DDX47: variants seen among roughly 807,000 people sequenced by gnomAD.
The protein encoded by DDX47 is DEAD-box helicase 47, also known as probable ATP-dependent RNA helicase DDX47.
Under a neutral mutation model 58.8 loss-of-function variants are expected in DDX47, and 60 were observed. The observed-to-expected ratio is 1.02, with a 90% confidence interval of 0.83 to 1.26. The LOEUF (loss-of-function observed/expected upper bound fraction) is 1.26. DDX47 is among the 50% of genes most tolerant of loss of function. DDX47 has a pLI of 0.00. For missense variants in DDX47, 530 were observed against 573.2 expected, an observed-to-expected ratio of 0.92 and a Z score of 0.77; for synonymous variants, 197 against 204.6, an observed-to-expected ratio of 0.96 and a Z score of 0.32.
chr12:12,823,952 G>A lies in DDX47; in HGVS notation c.833G>A (p.Arg278Lys). Reference protein sequence around the residue: ...IFCSTCNNTQRTALLLRNLGF... With the variant: ...IFCSTCNNTQKTALLLRNLGF... The stretch of plus-strand genomic sequence containing the variant: ...TGCAGCACCTGTAATAATACCCAGA[G>A]AACAGCTTTGCTACTGCGAAATCTT... Residue 278 changes from arginine (R) to lysine (K), a missense_variant, in exon 8 of 12, where the codon AGA (arginine) becomes AAA (lysine). Physicochemically the swap from Arg to Lys is conservative, Grantham distance 26. Coordinates refer to ENST00000358007, the MANE Select transcript of DDX47 (RefSeq NM_016355.4). 6.2e-7 allele frequency: 1 copy of A among 1,614,110 alleles called. No individual in the cohort carries two copies. The highest frequency in any genetic ancestry group is 8.5e-7 in the Non-Finnish European group (1 of 1,180,010).
chr12:12,822,148 A>C (rs1250834258), intron 5 of DDX47, 65 bp downstream of exon 5: 2 of 1,022,828 alleles, frequency 2.0e-6, no homozygotes, highest in Non-Finnish European at 3.1e-6. Context: ...AATTTGGTTC[A>C]TTGCCCACTT....
Position 12,813,360 on chromosome 12 carries a change from C to G in DDX47, c.-8C>G. The G allele has an allele frequency of 6.2e-7, 1 of 1,612,656 alleles. No homozygotes were observed. The highest frequency in any genetic ancestry group is 8.5e-7 in the Non-Finnish European group (1 of 1,179,286). ...GCCGCAGACCCACTTCCGGAGACCTCACACAAGATGGCGGCACCCGAGGAA... is the reference window on the plus strand; with the variant it reads ...GCCGCAGACCCACTTCCGGAGACCTGACACAAGATGGCGGCACCCGAGGAA... On this transcript the variant is annotated 5_prime_UTR_variant, in exon 1 of 12. Coordinates refer to ENST00000358007, the MANE Select transcript of DDX47 (RefSeq NM_016355.4).
At chr12:12,827,984 T>C (rs1863082047) in intron 11 of DDX47, among the ~76,000 whole-genome samples, 1 of 150,362 alleles carries the variant, frequency 6.7e-6, no homozygotes, top group Non-Finnish European at 1.5e-5. Context: ...CAAGCGATTC[T>C]CCTGCCTCAG....
At position 12,813,414 on chromosome 12, in the gene DDX47, C is replaced by T; in HGVS notation, c.47C>T (p.Pro16Leu). ...EHDSPTEASQ[P>L]IVEEEETKTF... is the part of the protein sequence containing the mutation. The stretch of plus-strand genomic sequence containing the variant: ...GATTCTCCGACCGAAGCGTCCCAGC[C>T]GATTGTGGAAGAGGAGGAAACTAAA... The change falls in exon 1 of 12, where the codon CCG (proline) becomes CTG (leucine). Residue 16 changes from proline (P) to leucine (L), a missense_variant. Physicochemically the swap from Pro to Leu is moderately conservative, Grantham distance 98. Transcript: ENST00000358007. 6.2e-7 allele frequency: 1 copy of T among 1,613,438 alleles called. No individual in the cohort carries two copies. The highest frequency in any genetic ancestry group is 8.5e-7 in the Non-Finnish European group (1 of 1,179,708).
At chr12:12,818,132 T>C (rs1168332663) in intron 2 of DDX47, among the ~76,000 whole-genome samples, 3 of 152,162 alleles carry the variant, frequency 2.0e-5, no homozygotes, top group Non-Finnish European at 4.4e-5. Context: ...GCTGTTGCAA[T>C]TCATTGTTAC....
At chr12:12,815,020 C>T (rs1414912220) in intron 2 of DDX47, among the ~76,000 whole-genome samples, 1 of 152,132 alleles carries the variant, frequency 6.6e-6, no homozygotes, top group African/African-American at 2.4e-5. Context: ...AAGTCCTGCT[C>T]TTAGATTCCT....
rs1340099889 is a variant in DDX47, at chr12:12,827,325, G to A, written c.1186G>A (p.Val396Ile). ...AGGTTTTCCAACACAGGATGATGAGGTTATGATGCTGACAGAACGCGTCGC... is the reference window on the plus strand; with the variant it reads ...AGGTTTTCCAACACAGGATGATGAGATTATGATGCTGACAGAACGCGTCGC... ...LPGFPTQDDEVMMLTERVAEA... is the reference protein window; with the variant it reads ...LPGFPTQDDEIMMLTERVAEA... The change falls in exon 11 of 12, where the codon GTT becomes ATT. Residue 396 changes from valine (V) to isoleucine (I), a missense_variant. Val to Ile is a conservative substitution (Grantham distance 29, BLOSUM62 3). Transcript: ENST00000358007. 6.2e-7 allele frequency: 1 copy of A among 1,614,052 alleles called. No individual in the cohort carries two copies. The highest frequency in any genetic ancestry group is 1.3e-5 in the African/African-American group (1 of 74,920).
chr12:12,818,292 C>T (rs557804730), intron 2 of DDX47, among the ~76,000 whole-genome samples: 9 of 152,130 alleles, frequency 5.9e-5, no homozygotes, highest in Admixed American at 2.0e-4. Flanking sequence ...GAGGCCGAGG[C>T]GGGTGGATCA....
At chr12:12,813,788 G>A (rs1862851142) in intron 1 of DDX47, among the ~76,000 whole-genome samples, 1 of 152,160 alleles carries the variant, frequency 6.6e-6, no homozygotes, top group South Asian at 2.1e-4. Context: ...TTTGAATTTT[G>A]ACACAGTCTC....
chr12:12,819,205 T>C (rs1228312841), intron 2 of DDX47, among the ~76,000 whole-genome samples: 3 of 152,196 alleles, frequency 2.0e-5, no homozygotes, highest in Non-Finnish European at 2.9e-5. Context: ...TTCTTCTGGT[T>C]CTTTTCCCTT....
chr12:12,822,519 T>A, intron 5 of DDX47, 142 bp from the exon 6 acceptor site: 1 of 647,186 alleles, frequency 1.5e-6, no homozygotes, highest in Non-Finnish European at 2.7e-6. Flanking sequence ...AAACTTTAGC[T>A]GAATCAAATT....
intron 11 of DDX47, among the ~76,000 whole-genome samples, chr12:12,828,489 C>T (rs1199300454): frequency 6.6e-6 from 1 of 152,090 alleles, no homozygotes; most frequent in Non-Finnish European, 1.5e-5. Context: ...GGATACTCAC[C>T]CTGTAAGTAG....
rs773514729 is a variant in DDX47 at position 12,824,059 on chromosome 12, A to T, written c.897+43A>T. 4 of 1,593,358 alleles carry T rather than the reference A, an allele frequency of 2.5e-6. No homozygotes were observed. The Admixed American group carries it at 7.0e-5, about 28-fold the overall frequency. ...TCATCAGCCATGCACTGGTGGCGTG[A>T]GCGAGATAAACCTCCTAACAGTAGG... is the stretch of plus-strand genomic sequence containing the variant. On this transcript the variant is annotated intron_variant, in intron 8 of 11. Transcript: ENST00000358007.
chr12:12,827,212 A>C (rs745423750), intron 10 of DDX47, 34 bp from the exon 11 acceptor site: 9 of 1,603,326 alleles, frequency 5.6e-6, no homozygotes, highest in African/African-American at 2.7e-5. Flanking sequence ...TTGCGTTACC[A>C]GGCAACCAGA....
intron 2 of DDX47, among the ~76,000 whole-genome samples, chr12:12,818,519 TA>T (rs770903572): frequency 3.3e-3 from 472 of 142,822 alleles, no homozygotes; most frequent in Middle Eastern, 7.2e-3. Flanking sequence ...AGACTCTGTC[TA>T]AAAAAAAAAA....
chr12:12,827,199 C>T (rs765503078), intron 10 of DDX47, 47 bp from the exon 11 acceptor site: 1 of 1,600,332 alleles, frequency 6.2e-7, no homozygotes, highest in South Asian at 1.1e-5. Flanking sequence ...AATGGACAGG[C>T]ATTTGCGTTA....
intron 2 of DDX47, among the ~76,000 whole-genome samples, chr12:12,815,903 CAA>C (rs911010356): frequency 9.9e-5 from 15 of 152,232 alleles, no homozygotes; most frequent in Admixed American, 2.6e-4. Context: ...TCATTAGAAA[CAA>C]GAGACTGAGT....
At chr12:12,825,268 A>G (rs111245751) in intron 9 of DDX47, among the ~76,000 whole-genome samples, 1 of 152,302 alleles carries the variant, frequency 6.6e-6, no homozygotes, top group East Asian at 1.9e-4. Context: ...TGCCCGGCCT[A>G]CAGCTTGTAG....
At chr12:12,826,127 C>A in intron 10 of DDX47, 57 bp downstream of exon 10, 2 of 1,474,696 alleles carry the variant, frequency 1.4e-6, no homozygotes, top group Non-Finnish European at 1.9e-6. Flanking sequence ...AACTTTCAAG[C>A]CACTGGCTGA....
Sources: gnomAD v4.1 joint callset for allele counts (sites outside exome capture counted in the v4.1 genomes callset) on GRCh38, gnomAD v4.1.1 for gene constraint, MANE v1.5 for transcripts, NCBI Gene and HGNC (gene_info 2026-07-23, HGNC 2026-07-21) for gene names.